PTPRT: variants seen among roughly 807,000 people sequenced by gnomAD.
PTPRT encodes the protein protein tyrosine phosphatase receptor type T, also known as receptor-type tyrosine-protein phosphatase T.
In PTPRT, 56 loss-of-function variants were observed where a neutral mutation model predicts 176.8. That is an observed-to-expected ratio of 0.32 (90% confidence interval 0.26 to 0.40). PTPRT has a LOEUF of 0.40. Ranked by LOEUF, PTPRT falls within the 10% of genes least tolerant of loss-of-function variation. The pLI is 1.00. For missense variants in PTPRT, 1,540 were observed against 1,908.2 expected (o/e 0.81, Z 3.60); for synonymous variants, 783 against 739.0 (o/e 1.06, Z -0.96).
intron 1 of PTPRT, among the ~76,000 whole-genome samples, chr20:42,975,620 T>G (rs958049993): frequency 1.3e-5 from 2 of 152,134 alleles, no homozygotes; most frequent in African/African-American, 4.8e-5. Flanking sequence ...TGACGATGCT[T>G]GAGGAAACAA....
At chr20:42,785,403 C>T (rs1278467551) in intron 3 of PTPRT, among the ~76,000 whole-genome samples, 1 of 152,214 alleles carries the variant, frequency 6.6e-6, no homozygotes, top group African/African-American at 2.4e-5. Context: ...CCCATAGAAT[C>T]ATATGTACAG....
chr20:42,178,333 C>T (rs6030029), intron 16 of PTPRT, among the ~76,000 whole-genome samples: 51,029 of 152,024 alleles, frequency 0.34, 9,006 homozygotes, highest in Admixed American at 0.38. Flanking sequence ...GTCAATGTTA[C>T]AGGGAAACAG....
rs1983115733 is a variant in PTPRT, at chr20:42,978,912, G to A, written c.89-92980C>T. On this transcript the variant is annotated intron_variant, in intron 1 of 30. Transcript: ENST00000373187. ...AAAAACGAGCAACCAGCAGCCCTTCGGCTGCTCTGTCTATGGAGTAGCCGT... is the reference window on the plus strand; with the variant it reads ...AAAAACGAGCAACCAGCAGCCCTTCAGCTGCTCTGTCTATGGAGTAGCCGT... Among the ~76,000 whole-genome samples, 3 of 152,196 alleles carry A rather than the reference G, an allele frequency of 2.0e-5. No individual in the cohort carries two copies. The South Asian group carries it at 6.3e-4, about 32-fold the overall frequency.
chr20:42,912,271 A>T, intron 1 of PTPRT, among the ~76,000 whole-genome samples: 1 of 152,126 alleles, frequency 6.6e-6, no homozygotes, highest in Admixed American at 6.5e-5. Context: ...TGAACTGCAG[A>T]GGCCCATTAG....
intron 11 of PTPRT, among the ~76,000 whole-genome samples, chr20:42,341,285 A>G (rs1415266206): frequency 6.6e-6 from 1 of 151,832 alleles, no homozygotes; most frequent in East Asian, 1.9e-4. Flanking sequence ...AAGCAAGCCT[A>G]CACCAGATGG....
chr20:42,427,257 T>A (rs11696790), intron 9 of PTPRT, among the ~76,000 whole-genome samples: 1 of 152,104 alleles, frequency 6.6e-6, no homozygotes, highest in Non-Finnish European at 1.5e-5. Flanking sequence ...AGAAGTACCA[T>A]GGGAGTTAAA....
chr20:42,346,877 C>T (rs751366085), intron 11 of PTPRT, among the ~76,000 whole-genome samples: 9 of 152,164 alleles, frequency 5.9e-5, no homozygotes, highest in Admixed American at 2.0e-4. Context: ...AGTGATAGAC[C>T]GGGCTCACAC....
At chr20:42,714,028 A>T (rs2076186320) in intron 6 of PTPRT, among the ~76,000 whole-genome samples, 1 of 152,200 alleles carries the variant, frequency 6.6e-6, no homozygotes, top group South Asian at 2.1e-4. Flanking sequence ...ATAGCAACGC[A>T]AGAATGGACT....
At chr20:43,095,119 G>C (rs540727246) in intron 1 of PTPRT, among the ~76,000 whole-genome samples, 2 of 152,072 alleles carry the variant, frequency 1.3e-5, no homozygotes, top group African/African-American at 4.8e-5. Flanking sequence ...GCCTTGGAGA[G>C]AGCTTTTATG....
At chr20:42,446,580 A>ATGTGTGTGTGTG (rs372328206) in intron 9 of PTPRT, among the ~76,000 whole-genome samples, 272 of 139,536 alleles carry the variant, frequency 1.9e-3, no homozygotes, top group African/African-American at 5.8e-3. Context: ...TTTCATGTAA[A>ATGTGTGTGTGTG]TGTGTGTGTG....
At chr20:42,822,938 T>C (rs6030495) in intron 2 of PTPRT, among the ~76,000 whole-genome samples, 3,585 of 152,248 alleles carry the variant, frequency 0.024, 131 homozygotes, top group African/African-American at 0.077. Flanking sequence ...GATTTTACAC[T>C]GTTGGTAGGA....
At chr20:42,236,348 A>G (rs546553810) in intron 14 of PTPRT, 90 bp from the exon 15 acceptor site, 2 of 1,143,084 alleles carry the variant, frequency 1.7e-6, no homozygotes, top group Admixed American at 3.7e-5. Flanking sequence ...TTTTAATGAA[A>G]TCTTGATTCT....
intron 17 of PTPRT, among the ~76,000 whole-genome samples, chr20:42,154,552 C>A (rs1989268285): frequency 6.6e-6 from 1 of 152,240 alleles, no homozygotes; most frequent in Non-Finnish European, 1.5e-5. Flanking sequence ...TTCCTTGTTG[C>A]TTTAAATAGT....
chr20:42,543,222 T>C (rs1424679607), intron 7 of PTPRT, among the ~76,000 whole-genome samples: 2 of 152,244 alleles, frequency 1.3e-5, no homozygotes, highest in African/African-American at 4.8e-5. Context: ...TACCCAAATG[T>C]AGAACTTCTT....
At chr20:42,213,403 A>G (rs1210652496) in intron 15 of PTPRT, among the ~76,000 whole-genome samples, 2 of 152,146 alleles carry the variant, frequency 1.3e-5, no homozygotes, top group Non-Finnish European at 2.9e-5. Context: ...TGATTTCACT[A>G]TAGTGGGGGA....
chr20:42,907,285 C>T (rs1171863522), intron 1 of PTPRT, among the ~76,000 whole-genome samples: 1 of 152,074 alleles, frequency 6.6e-6, no homozygotes. Flanking sequence ...CACACAGAGA[C>T]CCCAATAACC....
At chr20:42,444,419 G>A (rs2059345405) in intron 9 of PTPRT, among the ~76,000 whole-genome samples, 1 of 152,168 alleles carries the variant, frequency 6.6e-6, no homozygotes, top group Admixed American at 6.5e-5. Flanking sequence ...TAGAAACAGA[G>A]GACTGAAGAC....
At chr20:42,097,552 A>G (rs1438554183) in intron 27 of PTPRT, among the ~76,000 whole-genome samples, 1 of 152,118 alleles carries the variant, frequency 6.6e-6, no homozygotes, top group Non-Finnish European at 1.5e-5. Flanking sequence ...GCTGACCTCT[A>G]TTATAACACA....
At chr20:42,774,884 G>T (rs971160137) in intron 4 of PTPRT, among the ~76,000 whole-genome samples, 1 of 152,108 alleles carries the variant, frequency 6.6e-6, no homozygotes. Flanking sequence ...GGGCCTGTAT[G>T]GTCCTCTTCC....
Sources: allele counts gnomAD v4.1 joint callset (sites outside exome capture counted in the v4.1 genomes callset), GRCh38; gene constraint gnomAD v4.1.1; transcripts MANE v1.5; gene names NCBI Gene and HGNC (gene_info 2026-07-23, HGNC 2026-07-21).